Variants in FHIP1A observed in about 807,000 individuals in gnomAD.
FHIP1A encodes FHF complex subunit HOOK-interacting protein 1A.
FHIP1A carries 61 observed loss-of-function variants against 88.6 expected under a neutral mutation model. The observed-to-expected ratio is 0.69, with a 90% CI of 0.56 to 0.85. FHIP1A has a LOEUF of 0.85. FHIP1A is among the 40% of genes least tolerant of loss of function. The pLI, the probability that FHIP1A is intolerant of heterozygous loss-of-function variation, is 0.00. For missense variants in FHIP1A, 1,154 were observed against 1,273.5 expected (o/e 0.91, Z 1.43); for synonymous variants, 478 against 496.0 (o/e 0.96, Z 0.48).
At chr4:151,426,575 G>A (rs943613228) in intron 1 of FHIP1A, among the ~76,000 whole-genome samples, 5 of 152,148 alleles carry the variant, frequency 3.3e-5, no homozygotes, top group Non-Finnish European at 7.4e-5. Flanking sequence ...ATGAAGTGGT[G>A]TGGTTGTATT....
chr4:151,487,007 T>A (rs1730112383), intron 3 of FHIP1A, among the ~76,000 whole-genome samples: 1 of 151,838 alleles, frequency 6.6e-6, no homozygotes, highest in African/African-American at 2.4e-5. Flanking sequence ...GCTTACTATA[T>A]AATATTTTTC....
chr4:151,587,266 T>C (rs1473016428), intron 6 of FHIP1A, among the ~76,000 whole-genome samples: 1 of 152,180 alleles, frequency 6.6e-6, no homozygotes, highest in Non-Finnish European at 1.5e-5. Flanking sequence ...GCAACACAAA[T>C]TAAATTCTCT....
At chr4:151,553,477 A>G (rs1732824265) in intron 3 of FHIP1A, among the ~76,000 whole-genome samples, 1 of 152,218 alleles carries the variant, frequency 6.6e-6, no homozygotes, top group Non-Finnish European at 1.5e-5. Flanking sequence ...GAAGTAATTA[A>G]TTGAGATACT....
At chr4:151,510,921 T>C in intron 3 of FHIP1A, among the ~76,000 whole-genome samples, 1 of 152,248 alleles carries the variant, frequency 6.6e-6, no homozygotes, top group Admixed American at 6.5e-5. Context: ...ACAGATACCA[T>C]ACTAATCTCT....
Position 151,443,136 on chromosome 4 carries a change from G to A in FHIP1A, c.-355-11565G>A, listed in dbSNP as rs533125994. On this transcript the variant is annotated intron_variant, in intron 1 of 13. Coordinates refer to ENST00000435205, the MANE Select transcript of FHIP1A (RefSeq NM_001109977.3). Reference sequence around the variant, plus strand: ...AAATTGGTATAAAAATTAGTCAGGTGTGGTGGAGCAAATCACTTGGGCGTG... The same window carrying A: ...AAATTGGTATAAAAATTAGTCAGGTATGGTGGAGCAAATCACTTGGGCGTG... Among the ~76,000 whole-genome samples the A allele has an allele frequency of 2.0e-5, 3 of 152,146 alleles. No homozygotes were observed. The Middle Eastern group carries it at 0.01, about 518-fold the overall frequency.
intron 10 of FHIP1A, 139 bp from the exon 11 acceptor site, chr4:151,649,320 C>A: frequency 1.7e-6 from 1 of 588,684 alleles, no homozygotes; most frequent in African/African-American, 1.9e-5. Context: ...CCATATTATT[C>A]AGAGGTCATT....
In FHIP1A at chr4:151,656,378, G is replaced by A. The variant is rs1167118413; in HGVS notation, c.2698G>A (p.Val900Ile). The change falls in exon 12 of 14, where the codon GTC becomes ATC. Residue 900 changes from valine to isoleucine, a missense_variant. By Grantham distance (29) the Val-to-Ile change is conservative. Coordinates refer to ENST00000435205, the MANE Select transcript of FHIP1A (RefSeq NM_001109977.3). This position sits in a 1 kb window ranked among gnomAD's most constrained non-coding sequence, Gnocchi z 4.2. ...CTCCTTTCTGCTCAACACCAACATGGTCTTCCAGCCAAGCGTCCGCTCTCT... is the reference window on the plus strand; with the variant it reads ...CTCCTTTCTGCTCAACACCAACATGATCTTCCAGCCAAGCGTCCGCTCTCT... ...LRSFLLNTNM[V>I]FQPSVRSLYQ... The A allele has an allele frequency of 9.7e-6, 15 of 1,551,680 alleles. No homozygotes were observed. Among genetic ancestry groups the A allele is most frequent in the Non-Finnish European group, 1.2e-5 (14 of 1,147,000 alleles).
chr4:151,520,194 CT>C (rs1731401645), intron 3 of FHIP1A, among the ~76,000 whole-genome samples: 1 of 152,076 alleles, frequency 6.6e-6, no homozygotes, highest in Non-Finnish European at 1.5e-5. Context: ...ATGGTTTTAG[CT>C]TTTATGTTAT....
intron 11 of FHIP1A, among the ~76,000 whole-genome samples, chr4:151,653,649 A>G (rs1737117505): frequency 6.6e-6 from 1 of 152,320 alleles, no homozygotes; most frequent in African/African-American, 2.4e-5. Flanking sequence ...CTCTATTAAC[A>G]TAGAAATGCT....
chr4:151,502,157 GAAAAAAAAAAAA>G (rs370065238), intron 3 of FHIP1A, among the ~76,000 whole-genome samples: 1 of 114,174 alleles, frequency 8.8e-6, no homozygotes, highest in Admixed American at 9.7e-5. Flanking sequence ...CTCTACAAAA[GAAAAAAAAAAAA>G]AAAAGAAAAG....
In FHIP1A at chr4:151,409,250, TC is replaced by T; in HGVS notation, c.-570del. ...GCTCCGACCTTCTCACGACCTACATTCTTCCCGGGCACTCCTGAGTTTGAGC... is the reference window on the plus strand; with the variant it reads ...GCTCCGACCTTCTCACGACCTACATTTTCCCGGGCACTCCTGAGTTTGAGC... On this transcript the variant is annotated 5_prime_UTR_variant, in exon 1 of 14. Transcript: ENST00000435205. 2 of 151,956 alleles carry T rather than the reference TC, an allele frequency of 1.3e-5. No individual in the cohort carries two copies. The highest frequency in any genetic ancestry group is 4.8e-5 in the African/African-American group (2 of 41,456). The allele number at this position is 151,956 out of a possible 1,614,324, so 9.4% of individuals were successfully genotyped here.
In FHIP1A at chr4:151,519,625, A is replaced by G. The variant is rs187817566; in HGVS notation, c.-123+36977A>G. 6.6e-5 allele frequency among the ~76,000 whole-genome samples: 10 copies of G among 152,184 alleles called. No individual in the cohort carries two copies. The East Asian group carries it at 1.7e-3, about 26-fold the overall frequency. On this transcript the variant is annotated intron_variant, in intron 3 of 13. Coordinates refer to ENST00000435205, the MANE Select transcript of FHIP1A (RefSeq NM_001109977.3). ...TGTATATATACACATCCACATTTAT[A>G]TATGTGTGTTTATATTTCTATATCT...
At chr4:151,483,614 G>C (rs1186363170) in intron 3 of FHIP1A, among the ~76,000 whole-genome samples, 2 of 152,114 alleles carry the variant, frequency 1.3e-5, no homozygotes, top group Non-Finnish European at 2.9e-5. Flanking sequence ...AGGGGGAAGG[G>C]AGGCTTAGGG....
intron 5 of FHIP1A, 150 bp downstream of exon 5, chr4:151,578,226 G>T: frequency 1.3e-6 from 1 of 747,660 alleles, no homozygotes; most frequent in Non-Finnish European, 2.1e-6. Flanking sequence ...TCTTTGGAGG[G>T]AGCAGACGAA....
chr4:151,439,461 C>A (rs922900386), intron 1 of FHIP1A, among the ~76,000 whole-genome samples: 1 of 151,842 alleles, frequency 6.6e-6, no homozygotes, highest in Admixed American at 6.6e-5. Flanking sequence ...AGGATTTGAG[C>A]CTCTTCCAAA....
At chr4:151,483,210 G>A (rs1230000819) in intron 3 of FHIP1A, among the ~76,000 whole-genome samples, 3 of 151,876 alleles carry the variant, frequency 2.0e-5, no homozygotes, top group African/African-American at 7.3e-5. Flanking sequence ...AAGTCAATCT[G>A]TTAGTATTGT....
chr4:151,525,305 A>G (rs79999455), intron 3 of FHIP1A, among the ~76,000 whole-genome samples: 781 of 152,346 alleles, frequency 5.1e-3, no homozygotes, highest in Admixed American at 9.9e-3. Context: ...AGGCTGCACT[A>G]TAGCTTCTGA....
intron 7 of FHIP1A, among the ~76,000 whole-genome samples, chr4:151,624,980 C>CT (rs1397621725): frequency 3.9e-5 from 6 of 152,196 alleles, no homozygotes; most frequent in Non-Finnish European, 8.8e-5. Flanking sequence ...CTTGGCGCTT[C>CT]TTGTCCTTGG....
At chr4:151,620,922 G>A (rs1207923260) in intron 7 of FHIP1A, among the ~76,000 whole-genome samples, 1 of 150,324 alleles carries the variant, frequency 6.7e-6, no homozygotes, top group East Asian at 2.0e-4. Flanking sequence ...ATCTAAGGCA[G>A]CCAGGTGGTA....
Sources: allele counts gnomAD v4.1 joint callset (sites outside exome capture counted in the v4.1 genomes callset), GRCh38; gene constraint gnomAD v4.1.1; non-coding constraint Gnocchi (gnomAD v3.1); transcripts MANE v1.5; gene names NCBI Gene and HGNC (gene_info 2026-07-23, HGNC 2026-07-21).